MIA2: variants seen among roughly 807,000 people sequenced by gnomAD.
MIA2 encodes the protein MIA SH3 domain ER export factor 2.
In MIA2, 127 loss-of-function variants were observed where a neutral mutation model predicts 167.8. That is an observed-to-expected ratio of 0.76 (90% CI 0.66 to 0.88). The LOEUF (loss-of-function observed/expected upper bound fraction) is 0.88, where lower values mean the gene tolerates loss of function less well. Ranked by LOEUF, MIA2 falls within the 40% of genes least tolerant of loss-of-function variation. The pLI is 0.00. For missense variants in MIA2, 1,690 were observed against 1,624.7 expected (o/e 1.04, Z -0.69); for synonymous variants, 552 against 541.9 (o/e 1.02, Z -0.26).
intron 3 of MIA2, among the ~76,000 whole-genome samples, chr14:39,241,125 G>A (rs2054016118): frequency 1.3e-5 from 2 of 152,180 alleles, no homozygotes; most frequent in African/African-American, 4.8e-5. Flanking sequence ...TAAGATAAAA[G>A]TTTATTTTCC....
In MIA2 at chr14:39,381,693, T is replaced by TC. The variant is rs1555423505; in HGVS notation, c.2249-5188dup. ...TTTTTTTTTTTCTTTTTCTTTTTTT[T>TC]CCCCAGCTGTGGGAATCTAACCAAT... is the stretch of plus-strand genomic sequence containing the variant. On this transcript the variant is annotated intron_variant, in intron 23 of 23. Transcript: ENST00000341502. Among the ~76,000 whole-genome samples the TC allele has an allele frequency of 4.0e-5, 6 of 151,370 alleles. No homozygotes were observed. In the East Asian group the frequency reaches 5.8e-4, roughly 15 times the overall value.
intron 25 of MIA2, among the ~76,000 whole-genome samples, chr14:39,330,618 T>C (rs1430813591): frequency 6.6e-6 from 1 of 152,238 alleles, no homozygotes; most frequent in Non-Finnish European, 1.5e-5. Context: ...TAAATTTCCC[T>C]CTAAACACTG....
intron 14 of MIA2, among the ~76,000 whole-genome samples, chr14:39,300,577 T>A (rs2062227443): frequency 6.7e-6 from 1 of 148,566 alleles, no homozygotes; most frequent in African/African-American, 2.5e-5. Context: ...TGTTGTCATA[T>A]TGAAAGTGAT....
At chr14:39,286,418 A>G (rs1265163541) in intron 9 of MIA2, among the ~76,000 whole-genome samples, 1 of 152,202 alleles carries the variant, frequency 6.6e-6, no homozygotes, top group Non-Finnish European at 1.5e-5. Flanking sequence ...TTGGCTCGGC[A>G]TCAGAGGGAG....
At chr14:39,293,450 T>G in intron 11 of MIA2, 69 bp downstream of exon 11, 1 of 1,054,212 alleles carries the variant, frequency 9.5e-7, no homozygotes, top group Non-Finnish European at 1.4e-6. Context: ...ATTAATATGA[T>G]ACTGGTTAAA....
chr14:39,296,532 C>T (rs542088333), intron 13 of MIA2, among the ~76,000 whole-genome samples: 6 of 151,692 alleles, frequency 4.0e-5, no homozygotes, highest in Admixed American at 1.3e-4. Flanking sequence ...CCACCCGCCT[C>T]GGCCTCCCAA....
At chr14:39,316,564 T>C (rs2065485908) in intron 21 of MIA2, among the ~76,000 whole-genome samples, 1 of 152,192 alleles carries the variant, frequency 6.6e-6, no homozygotes, top group East Asian at 1.9e-4. Flanking sequence ...GTTGTTATTG[T>C]TGTAGTGAAG....
At chr14:39,365,374 C>T (rs539972128) in intron 23 of MIA2, among the ~76,000 whole-genome samples, 1 of 152,180 alleles carries the variant, frequency 6.6e-6, no homozygotes, top group South Asian at 2.1e-4. Flanking sequence ...AATAGGTTTT[C>T]AGTGCCTTTA....
At chr14:39,385,946 T>C (rs1279858946) in intron 23 of MIA2, 10 of 823,588 alleles carry the variant, frequency 1.2e-5, no homozygotes, top group African/African-American at 8.4e-5. Flanking sequence ...AGAGACACAC[T>C]GAGAGGAGGA....
intron 11 of MIA2, among the ~76,000 whole-genome samples, chr14:39,293,592 A>C (rs531727923): frequency 6.6e-6 from 1 of 152,188 alleles, no homozygotes; most frequent in African/African-American, 2.4e-5. Flanking sequence ...GAAATTTTCT[A>C]TATGCACTAT....
intron 23 of MIA2, among the ~76,000 whole-genome samples, chr14:39,371,763 T>C (rs2074951808): frequency 6.6e-6 from 1 of 152,234 alleles, no homozygotes; most frequent in African/African-American, 2.4e-5. Flanking sequence ...ACTAAGAGTT[T>C]CAAGGTTTCA....
chr14:39,377,998 G>A (rs1390965791), intron 23 of MIA2, among the ~76,000 whole-genome samples: 3 of 152,038 alleles, frequency 2.0e-5, no homozygotes, highest in Admixed American at 2.0e-4. Flanking sequence ...CAAGGTATGA[G>A]GCCAGTTTTT....
At chr14:39,301,147 G>T (rs990595567) in intron 14 of MIA2, among the ~76,000 whole-genome samples, 4 of 151,494 alleles carry the variant, frequency 2.6e-5, no homozygotes, top group African/African-American at 4.9e-5. Flanking sequence ...TGCAACCTCT[G>T]CCTCGTGGGT....
chr14:39,247,610 T>A lies in MIA2; in HGVS notation c.1036T>A (p.Ser346Thr). 1 of 1,613,920 alleles carries A rather than the reference T, an allele frequency of 6.2e-7. No homozygotes were observed. Among genetic ancestry groups the A allele is most frequent in the Non-Finnish European group, 8.5e-7 (1 of 1,179,986 alleles). The change falls in exon 4 of 29, where the codon TCA (serine) becomes ACA (threonine). Residue 346 changes from serine to threonine, a missense_variant. Coordinates refer to ENST00000640607, the MANE Select transcript of MIA2 (RefSeq NM_001329214.4). Reference sequence around the variant, plus strand: ...ACTACAAGATTTTCCCAATTCCATATCATCTGATAAAGAAGCCACAGTTCC... The same window carrying A: ...ACTACAAGATTTTCCCAATTCCATAACATCTGATAAAGAAGCCACAGTTCC... ...PPLQDFPNSI[S>T]SDKEATVPCT... is the part of the protein sequence containing the mutation.
At chr14:39,351,305 A>G (rs2074363365), downstream of MIA2, 1 of 150,530 alleles carries the variant, frequency 6.6e-6, no homozygotes, top group South Asian at 2.1e-4. Context: ...TCACCCCAGC[A>G]TTTCCCCAGG....
At chr14:39,303,587 T>C in intron 16 of MIA2, 63 bp downstream of exon 16, 1 of 1,157,214 alleles carries the variant, frequency 8.6e-7, no homozygotes, top group Non-Finnish European at 1.3e-6. Context: ...ATTACTCATG[T>C]CCCAGTAAAT....
At chr14:39,282,975 A>C (rs2059158620) in intron 9 of MIA2, among the ~76,000 whole-genome samples, 1 of 152,206 alleles carries the variant, frequency 6.6e-6, no homozygotes, top group South Asian at 2.1e-4. Flanking sequence ...TTCCGCATAT[A>C]AGTGAGATCA....
intron 6 of MIA2, chr14:39,253,428 T>G: frequency 2.0e-6 from 1 of 509,182 alleles, no homozygotes; most frequent in Non-Finnish European, 3.4e-6. Context: ...CTCCCCATTT[T>G]TCAAATTAGG....
chr14:39,379,313 C>T (rs916733693), intron 23 of MIA2, among the ~76,000 whole-genome samples: 1 of 152,126 alleles, frequency 6.6e-6, no homozygotes, highest in African/African-American at 2.4e-5. Context: ...ATCTTATGCA[C>T]CCACCTCTTT....
Sources: allele counts gnomAD v4.1 joint callset (sites outside exome capture counted in the v4.1 genomes callset), GRCh38; gene constraint gnomAD v4.1.1; transcripts MANE v1.5; gene names NCBI Gene and HGNC (gene_info 2026-07-23, HGNC 2026-07-21).